Variants in ZNF33A observed in about 807,000 individuals in gnomAD.
ZNF33A encodes the protein brain my041 protein.
In ZNF33A, 9 loss-of-function variants were observed where a neutral mutation model predicts 15.9. That is an observed-to-expected ratio of 0.57 (90% CI 0.34 to 0.99). The LOEUF is 0.99. ZNF33A is among the 50% of genes least tolerant of loss of function. ZNF33A has a pLI of 0.02. For synonymous variants in ZNF33A, 294 were observed against 324.2 expected, an observed-to-expected ratio of 0.91 and a Z score of 1.00; for missense variants, 843 against 941.6, an observed-to-expected ratio of 0.90 and a Z score of 1.37.
Position 38,024,785 on chromosome 10 carries a change from A to G in ZNF33A, c.250+7399A>G, listed in dbSNP as rs137868214. Among the ~76,000 whole-genome samples the G allele has an allele frequency of 3.8e-3, 578 of 152,370 alleles. 5 individuals carry two copies. Among genetic ancestry groups the G allele is most frequent in the African/African-American group, 0.013 (542 of 41,596 alleles). On this transcript the variant is annotated intron_variant, in intron 4 of 4. Transcript: ENST00000432900. ...AAACTTCAGAAATAAATAATTCCTC[A>G]GTTTTAAGTTGCACACTGTTGTGAG...
At chr10:38,039,420 G>GT (rs537383662) in intron 4 of ZNF33A, 44 of 449,712 alleles carry the variant, frequency 9.8e-5, no homozygotes, top group African/African-American at 6.8e-4. Context: ...TAGAGATGGG[G>GT]TTTCACCATG....
rs1356646578 is a variant in ZNF33A at position 38,059,954 on chromosome 10, G to C, written c.*3394G>C. 2.1e-6 allele frequency: 1 copy of C among 467,416 alleles called. No homozygotes were observed. The highest frequency in any genetic ancestry group is 1.5e-4 in the East Asian group (1 of 6,454). The allele number at this position is 467,416 out of a possible 1,614,324, so 29.0% of individuals were successfully genotyped here. A position where few individuals can be genotyped will look rare whatever the true frequency, so the allele number is the denominator to read the frequency against. ...GCCTGTGGAAGATGGGAGGGGAAAG[G>C]GTTATATGAGAATTCTCTATACTTT... On this transcript the variant is annotated 3_prime_UTR_variant, in exon 5 of 5. Coordinates refer to ENST00000432900, the MANE Select transcript of ZNF33A (RefSeq NM_006954.2).
At chr10:38,023,940 C>T (rs2064863795) in intron 4 of ZNF33A, among the ~76,000 whole-genome samples, 1 of 152,048 alleles carries the variant, frequency 6.6e-6, no homozygotes. Context: ...AGGTGGATCA[C>T]CTGAGATCGG....
chr10:38,041,516 TTCTC>T (rs2065698450), intron 4 of ZNF33A, among the ~76,000 whole-genome samples: 1 of 151,952 alleles, frequency 6.6e-6, no homozygotes, highest in Admixed American at 6.6e-5. Flanking sequence ...CTATTTTCTC[TTCTC>T]TATTTGTTAT....
chr10:38,064,263 C>A, downstream of ZNF33A: 1 of 687,852 alleles, frequency 1.5e-6, no homozygotes, highest in Non-Finnish European at 2.4e-6. Flanking sequence ...GTGGAAGAGA[C>A]ATCAGCATTC....
At chr10:38,014,145 GAT>G (rs2064336507) in intron 2 of ZNF33A, among the ~76,000 whole-genome samples, 1 of 147,450 alleles carries the variant, frequency 6.8e-6, no homozygotes, top group Non-Finnish European at 1.5e-5. Context: ...GGGCCCAAGG[GAT>G]TCTCCTGGCT....
intron 4 of ZNF33A, among the ~76,000 whole-genome samples, chr10:38,050,964 C>CCACAA (rs1328552297): frequency 5.3e-5 from 8 of 152,116 alleles, no homozygotes; most frequent in African/African-American, 1.9e-4. Flanking sequence ...AAGCAAATAT[C>CCACAA]CACAGGCTTA....
At chr10:38,041,318 A>G (rs1401661320) in intron 4 of ZNF33A, among the ~76,000 whole-genome samples, 1 of 149,784 alleles carries the variant, frequency 6.7e-6, no homozygotes, top group Non-Finnish European at 1.5e-5. Flanking sequence ...GATTATGTGT[A>G]TACAACATGA....
chr10:38,047,624 CAA>C (rs554054575), intron 4 of ZNF33A, among the ~76,000 whole-genome samples: 3 of 74,998 alleles, frequency 4.0e-5, no homozygotes, highest in Admixed American at 1.8e-4. Flanking sequence ...GACTCTGTCT[CAA>C]AAAAAAAAAA....
chr10:38,031,399 A>G (rs898491335), intron 4 of ZNF33A, among the ~76,000 whole-genome samples: 5 of 151,958 alleles, frequency 3.3e-5, no homozygotes, highest in Admixed American at 6.6e-5. Context: ...GTGAAAACCC[A>G]TCTCTACAAA....
Position 38,055,009 on chromosome 10 carries a change from G to T in ZNF33A, c.885G>T (p.Gly295=). The change falls in exon 5 of 5, where the codon GGG becomes GGT. Residue 295 remains glycine (G), a synonymous_variant. Transcript: ENST00000432900. ...CVKSTLSKPH[G]VSMKHYDCGE... is the part of the protein sequence containing the mutation. The stretch of plus-strand genomic sequence containing the variant: ...AGTCCACCCTTTCTAAACCTCATGG[G>T]GTATCTATGAAACACTATGATTGTG... 6.2e-7 allele frequency: 1 copy of T among 1,613,992 alleles called. No homozygotes were observed. Among genetic ancestry groups the T allele is most frequent in the Non-Finnish European group, 8.5e-7 (1 of 1,179,974 alleles).
chr10:38,066,977 G>A (rs957819306), downstream of ZNF33A, among the ~76,000 whole-genome samples: 4 of 152,058 alleles, frequency 2.6e-5, no homozygotes, highest in Admixed American at 1.3e-4. Context: ...GATGAGAAAC[G>A]GGACTTTATG....
At chr10:38,016,731 A>G (rs2064465496) in intron 2 of ZNF33A, 140 bp from the exon 3 acceptor site, 3 of 955,450 alleles carry the variant, frequency 3.1e-6, no homozygotes, top group Non-Finnish European at 4.6e-6. Flanking sequence ...TAATATCTTA[A>G]TGCATTAATG....
intron 4 of ZNF33A, among the ~76,000 whole-genome samples, chr10:38,043,000 C>T (rs1333720197): frequency 8.5e-5 from 13 of 152,082 alleles, no homozygotes; most frequent in Admixed American, 8.5e-4. Flanking sequence ...GTATCATTGC[C>T]TTTACCCACA....
downstream of ZNF33A, among the ~76,000 whole-genome samples, chr10:38,062,769 C>T (rs183216768): frequency 1.5e-3 from 225 of 151,572 alleles, 2 homozygotes; most frequent in African/African-American, 5.3e-3. Flanking sequence ...TCTGGGAGGC[C>T]GAGGTGGGCG....
Position 38,056,151 on chromosome 10 carries a change from T to G in ZNF33A, c.2027T>G (p.Val676Gly), listed in dbSNP as rs763151303. 21 of 1,613,552 alleles carry G rather than the reference T, an allele frequency of 1.3e-5. 1 individual carries two copies. In the Admixed American group the frequency reaches 2.8e-4, roughly 22 times the overall value. The change falls in exon 5 of 5, where the codon GTA becomes GGA. Residue 676 changes from valine (V) to glycine (G), a missense_variant. By Grantham distance (109) the Val-to-Gly change is moderately radical (BLOSUM62 -3). Transcript: ENST00000432900. ...AATGAATGTGGAAAATCTTTCTGTGTAAAATCAGGACTTATTTTCCATGAG... is the reference window on the plus strand; with the variant it reads ...AATGAATGTGGAAAATCTTTCTGTGGAAAATCAGGACTTATTTTCCATGAG... ...KCNECGKSFC[V>G]KSGLIFHERK... is the part of the protein sequence containing the mutation.
chr10:38,017,484 A>C lies in ZNF33A; in HGVS notation c.250+98A>C. ...CAACTTTGGAAGATTTTTCAAGAAC[A>C]TCTCCATAGGGATCCTAACCTCTGG... On this transcript the variant is annotated intron_variant, in intron 4 of 4. Coordinates refer to ENST00000432900, the MANE Select transcript of ZNF33A (RefSeq NM_006954.2). 3.4e-6 allele frequency: 3 copies of C among 875,714 alleles called. No homozygotes were observed. In the East Asian group the frequency reaches 7.5e-5, roughly 22 times the overall value. The allele number at this position is 875,714 out of a possible 1,614,324, so 54.2% of individuals were successfully genotyped here. A position where few individuals can be genotyped will look rare whatever the true frequency, so the allele number is the denominator to read the frequency against.
At chr10:38,043,983 CATTT>C (rs1434799179) in intron 4 of ZNF33A, 1 of 151,622 alleles carries the variant, frequency 6.6e-6, no homozygotes, top group Non-Finnish European at 1.5e-5. Flanking sequence ...CATAGCCATT[CATTT>C]GTTTGAATAT....
intron 2 of ZNF33A, 85 bp downstream of exon 2, chr10:38,012,435 T>TG: frequency 1.3e-6 from 2 of 1,499,024 alleles, no homozygotes; most frequent in South Asian, 2.4e-5. Context: ...GTTTTTTTTT[T>TG]TTTTTTTTTT....
Sources: gnomAD v4.1 joint callset for allele counts (sites outside exome capture counted in the v4.1 genomes callset) on GRCh38, gnomAD v4.1.1 for gene constraint, MANE v1.5 for transcripts, NCBI Gene and HGNC (gene_info 2026-07-23, HGNC 2026-07-21) for gene names.